Variants in NDST4 observed in about 807,000 individuals in gnomAD.
The protein encoded by NDST4 is N-heparan sulfate sulfotransferase 4.
NDST4 carries 63 observed loss-of-function variants against 100.8 expected under a neutral mutation model. The observed-to-expected ratio is 0.62, with a 90% CI of 0.51 to 0.77. The LOEUF (loss-of-function observed/expected upper bound fraction) is 0.77. Among genes scored for constraint, NDST4 ranks in the 30% least tolerant of loss-of-function variants. The pLI is 0.00. For missense variants in NDST4, 943 were observed against 1,018.4 expected (o/e 0.93, Z 1.01); for synonymous variants, 377 against 361.8 (o/e 1.04, Z -0.48).
chr4:114,992,746 T>C (rs1030726529), intron 2 of NDST4, among the ~76,000 whole-genome samples: 2 of 151,844 alleles, frequency 1.3e-5, no homozygotes, highest in African/African-American at 4.8e-5. Flanking sequence ...TCTATGCACA[T>C]TTATTTCACA....
chr4:115,049,592 AC>A (rs1402422391), intron 2 of NDST4, among the ~76,000 whole-genome samples: 1 of 152,190 alleles, frequency 6.6e-6, no homozygotes, highest in African/African-American at 2.4e-5. Flanking sequence ...TATTTCAGCA[AC>A]TGAAGTTGCA....
In NDST4 at chr4:114,969,787, G is replaced by A. The variant is rs542818573; in HGVS notation, c.1221+643C>T. On this transcript the variant is annotated intron_variant, in intron 4 of 13. Transcript: ENST00000264363. ...AGCTCTGTGATGAACATGTGTGTGC[G>A]TCTTTATGGTAGAAGCATTTATACT... Among the ~76,000 whole-genome samples the A allele has an allele frequency of 7.5e-4, 114 of 152,232 alleles. 1 individual carries two copies. Among genetic ancestry groups the A allele is most frequent in the East Asian group, 9.6e-4 (5 of 5,182 alleles).
chr4:114,991,285 A>G (rs1727034166), intron 2 of NDST4, among the ~76,000 whole-genome samples: 1 of 152,102 alleles, frequency 6.6e-6, no homozygotes, highest in Non-Finnish European at 1.5e-5. Context: ...CAGCCAAAGT[A>G]ATTAAAGAGG....
Position 115,009,251 on chromosome 4 carries a change from A to G in NDST4, c.979-31977T>C, listed in dbSNP as rs1323601083. Among the ~76,000 whole-genome samples the G allele has an allele frequency of 1.5e-5, 2 of 129,462 alleles. 1 individual carries two copies. Among genetic ancestry groups the G allele is most frequent in the African/African-American group, 5.9e-5 (2 of 34,056 alleles). 84.9% of individuals were successfully genotyped at this position (129,462 alleles called of 152,430 possible). A position where few individuals can be genotyped will look rare whatever the true frequency, so the allele number is the denominator to read the frequency against. On this transcript the variant is annotated intron_variant, in intron 2 of 13. Transcript: ENST00000264363. ...AGTCAATCCTAAGCCAAAAGAACAA[A>G]GCTGGAGGCATCACGCTACCTAACT...
intron 2 of NDST4, among the ~76,000 whole-genome samples, chr4:115,023,199 C>A (rs116336083): frequency 0.019 from 2,881 of 152,102 alleles, 96 homozygotes; most frequent in African/African-American, 0.065. Context: ...GAACGTATTC[C>A]TGTTGGCCGA....
At chr4:115,090,302 C>T (rs1038704106) in intron 1 of NDST4, among the ~76,000 whole-genome samples, 3 of 151,752 alleles carry the variant, frequency 2.0e-5, no homozygotes, top group African/African-American at 7.3e-5. Context: ...GACTTTAAAA[C>T]ATTTTTAAAA....
intron 12 of NDST4, 152 bp from the exon 13 acceptor site, chr4:114,830,044 GCTAA>G (rs779342562): frequency 2.1e-4 from 133 of 621,402 alleles, no homozygotes; most frequent in Non-Finnish European, 3.4e-4. Context: ...TTTGAGAGAG[GCTAA>G]CTGAGATGAA....
chr4:114,915,991 C>A (rs896558186), intron 6 of NDST4, among the ~76,000 whole-genome samples: 13 of 152,124 alleles, frequency 8.5e-5, no homozygotes, highest in African/African-American at 3.1e-4. Flanking sequence ...TTTCAGAAGT[C>A]CTGAGATCTT....
chr4:115,070,582 T>C lies in NDST4; in HGVS notation c.978+5477A>G, dbSNP rs567858441. Among the ~76,000 whole-genome samples, 3 of 152,306 alleles carry C rather than the reference T, an allele frequency of 2.0e-5. No homozygotes were observed. The East Asian group carries it at 5.8e-4, about 29-fold the overall frequency. ...TTCTTATATATCTTGAGTTTTTAGG[T>C]ATACAGTTAAATTTTATTAATAAAC... On this transcript the variant is annotated intron_variant, in intron 2 of 13. Transcript: ENST00000264363.
In NDST4 at chr4:115,097,116, C is replaced by T. The variant is rs531313530; in HGVS notation, c.-247+16328G>A. On this transcript the variant is annotated intron_variant, in intron 1 of 13. Transcript: ENST00000264363. The stretch of plus-strand genomic sequence containing the variant: ...TTCTAAATGTGAAGTTCCCCAGGGC[C>T]TATTCTTTACTCTTCTACTCTTTTC... 5.9e-5 allele frequency among the ~76,000 whole-genome samples: 9 copies of T among 152,106 alleles called. No individual in the cohort carries two copies. The South Asian group carries it at 1.2e-3, about 21-fold the overall frequency.
chr4:115,016,966 CTTGTT>C (rs558822214), intron 2 of NDST4, among the ~76,000 whole-genome samples: 77 of 151,242 alleles, frequency 5.1e-4, no homozygotes, highest in African/African-American at 1.8e-3. Context: ...ATACTTCCTC[CTTGTT>C]TTGTTTTGAG....
intron 6 of NDST4, among the ~76,000 whole-genome samples, chr4:114,878,070 G>C (rs1050004189): frequency 6.6e-6 from 1 of 151,788 alleles, no homozygotes. Context: ...AAGAAACAAA[G>C]AAAAGCTCCA....
chr4:115,086,832 T>C (rs891902791), intron 1 of NDST4, among the ~76,000 whole-genome samples: 17 of 152,130 alleles, frequency 1.1e-4, no homozygotes, highest in Non-Finnish European at 2.4e-4. Flanking sequence ...TATGCATTCA[T>C]CTTGCTTATT....
At chr4:114,837,357 C>T (rs1287943351) in intron 11 of NDST4, among the ~76,000 whole-genome samples, 1 of 151,980 alleles carries the variant, frequency 6.6e-6, no homozygotes, top group Non-Finnish European at 1.5e-5. Flanking sequence ...AAAAAAGAGC[C>T]CGTATAGCCA....
intron 2 of NDST4, among the ~76,000 whole-genome samples, chr4:115,074,734 T>A (rs1729145424): frequency 6.6e-6 from 1 of 152,100 alleles, no homozygotes. Flanking sequence ...GGCCATCAGG[T>A]CTTAGGATGA....
intron 2 of NDST4, among the ~76,000 whole-genome samples, chr4:115,050,932 G>GA (rs1728568004): frequency 6.6e-6 from 1 of 152,032 alleles, no homozygotes; most frequent in Non-Finnish European, 1.5e-5. Context: ...TATTCCAGGA[G>GA]AAAATCCCCG....
intron 2 of NDST4, among the ~76,000 whole-genome samples, chr4:115,034,363 C>T (rs562119071): frequency 7.9e-5 from 12 of 152,058 alleles, no homozygotes; most frequent in African/African-American, 1.2e-4. Context: ...CAGTACATTG[C>T]CATTGATCTC....
intron 2 of NDST4, among the ~76,000 whole-genome samples, chr4:115,069,530 C>T (rs141141303): frequency 2.0e-4 from 30 of 152,212 alleles, no homozygotes; most frequent in East Asian, 7.7e-4. Context: ...TACATACATG[C>T]GGCCAACAAG....
intron 4 of NDST4, among the ~76,000 whole-genome samples, chr4:114,945,141 C>T (rs543418347): frequency 1.6e-5 from 2 of 126,700 alleles, no homozygotes; most frequent in South Asian, 2.7e-4. Context: ...CCTGAGAGGC[C>T]GGGTTGTGGT....
Sources: allele counts gnomAD v4.1 joint callset (sites outside exome capture counted in the v4.1 genomes callset), GRCh38; gene constraint gnomAD v4.1.1; transcripts MANE v1.5; gene names NCBI Gene and HGNC (gene_info 2026-07-23, HGNC 2026-07-21).